The following CDC42BPA variants were observed in gnomAD, a reference collection of about 807,000 sequenced individuals.
CDC42BPA encodes CDC42 binding protein kinase alpha.
In CDC42BPA, 80 loss-of-function variants were observed where a neutral mutation model predicts 223.5. The observed-to-expected ratio is 0.36, with a 90% CI of 0.30 to 0.43. CDC42BPA has a LOEUF of 0.43. Among genes scored for constraint, CDC42BPA ranks in the 20% least tolerant of loss-of-function variants. The pLI is 1.00. For missense variants in CDC42BPA, 1,743 were observed against 2,099.9 expected (o/e 0.83, Z 3.32); for synonymous variants, 694 against 718.6 (o/e 0.97, Z 0.55).
Position 227,019,397 on chromosome 1 carries a change from C to A in CDC42BPA, c.4616-2347G>T, listed in dbSNP as rs1666943189. Among the ~76,000 whole-genome samples the A allele has an allele frequency of 2.6e-5, 4 of 152,168 alleles. No homozygotes were observed. The South Asian group carries it at 8.3e-4, about 31-fold the overall frequency. On this transcript the variant is annotated intron_variant, in intron 32 of 36. Coordinates refer to ENST00000366766, the MANE Select transcript of CDC42BPA (RefSeq NM_001394014.1). The stretch of plus-strand genomic sequence containing the variant: ...TTATTTCCTTCACTGATTTCTGGAA[C>A]CTCTAAAAGTCATCTATGAGGGCTG...
chr1:227,186,303 A>C (rs983703650), intron 5 of CDC42BPA, among the ~76,000 whole-genome samples: 1 of 152,206 alleles, frequency 6.6e-6, no homozygotes. Context: ...AGAAAAGAGA[A>C]TATCTGCTGC....
At chr1:227,176,951 C>T (rs907756555) in intron 5 of CDC42BPA, among the ~76,000 whole-genome samples, 5 of 151,594 alleles carry the variant, frequency 3.3e-5, no homozygotes, top group Non-Finnish European at 7.4e-5. Context: ...CCCTCTAATC[C>T]ACTGGCTCTT....
In CDC42BPA at chr1:227,051,864, A is replaced by G. The variant is rs1335888281; in HGVS notation, c.3009+17T>C. On this transcript the variant is annotated intron_variant, in intron 22 of 36. Transcript: ENST00000366766. ...ACAAGTGAAAAGTTGGGGAGCAGGGATGCTCCAATAAGGCACCTTAACTGG... is the reference window on the plus strand; with the variant it reads ...ACAAGTGAAAAGTTGGGGAGCAGGGGTGCTCCAATAAGGCACCTTAACTGG... 10 of 1,311,958 alleles carry G rather than the reference A, an allele frequency of 7.6e-6. No individual in the cohort carries two copies. Among genetic ancestry groups the G allele is most frequent in the Non-Finnish European group, 1.0e-5 (10 of 972,232 alleles). 81.3% of individuals were successfully genotyped at this position (1,311,958 alleles called of 1,614,324 possible).
At chr1:227,052,755 TA>T (rs1392185848) in intron 21 of CDC42BPA, among the ~76,000 whole-genome samples, 1 of 152,146 alleles carries the variant, frequency 6.6e-6, no homozygotes, top group Non-Finnish European at 1.5e-5. Flanking sequence ...TCACAAATCA[TA>T]AAAACACCAT....
rs1452583228 is a variant in CDC42BPA at position 227,215,407 on chromosome 1, G to C, written c.271-2188C>G. ...CTTCAGTGTCCTTGTCATGATCATG[G>C]GGTTAATAACAATACTTATATCATT... On this transcript the variant is annotated intron_variant, in intron 2 of 36. Coordinates refer to ENST00000366766, the MANE Select transcript of CDC42BPA (RefSeq NM_001394014.1). Among the ~76,000 whole-genome samples, 3 of 152,082 alleles carry C rather than the reference G, an allele frequency of 2.0e-5. No homozygotes were observed. The East Asian group carries it at 5.8e-4, about 29-fold the overall frequency.
intron 5 of CDC42BPA, among the ~76,000 whole-genome samples, chr1:227,161,028 T>C (rs1572054695): frequency 6.6e-6 from 1 of 152,328 alleles, no homozygotes; most frequent in East Asian, 1.9e-4. Context: ...AAAAATATAC[T>C]TTCTAGACCT....
At position 227,055,752 on chromosome 1, in the gene CDC42BPA, T is replaced by C. The variant is rs1048788881; in HGVS notation, c.2905-3767A>G. ...TAGCAGAGATATTATAAATTCAATA[T>C]AAGAAATATCTTTAAGTAAATGCAA... On this transcript the variant is annotated intron_variant, in intron 21 of 36. Transcript: ENST00000366766. 5.3e-5 allele frequency among the ~76,000 whole-genome samples: 8 copies of C among 152,296 alleles called. No individual in the cohort carries two copies. In the East Asian group the frequency reaches 1.5e-3, roughly 29 times the overall value.
At chr1:227,258,045 T>C (rs1253068577) in intron 1 of CDC42BPA, among the ~76,000 whole-genome samples, 1 of 149,866 alleles carries the variant, frequency 6.7e-6, no homozygotes, top group Non-Finnish European at 1.5e-5. Flanking sequence ...CACGGTGGCT[T>C]GTGCCTGCAG....
intron 31 of CDC42BPA, among the ~76,000 whole-genome samples, chr1:227,024,968 T>C (rs4653476): frequency 0.91 from 138,262 of 152,314 alleles, 62,806 homozygotes; most frequent in East Asian, 0.95. Flanking sequence ...TAGGGCTGAG[T>C]GCAGTGGATC....
At position 227,229,042 on chromosome 1, in the gene CDC42BPA, G is replaced by GT. The variant is rs148242531; in HGVS notation, c.271-15824dup. Among the ~76,000 whole-genome samples, 1,379 of 151,988 alleles carry GT rather than the reference G, an allele frequency of 9.1e-3. 24 individuals carry two copies. Among genetic ancestry groups the GT allele is most frequent in the African/African-American group, 0.032 (1,316 of 41,466 alleles). On this transcript the variant is annotated intron_variant, in intron 2 of 36. Transcript: ENST00000366766. Reference sequence around the variant, plus strand: ...AAACTCTGATGAAATCTTATTTTTTGTTTTTTCTTTGATGCCTGAGATTTC... The same window carrying GT: ...AAACTCTGATGAAATCTTATTTTTTGTTTTTTTCTTTGATGCCTGAGATTTC...
chr1:227,235,526 C>A (rs1433606035), intron 2 of CDC42BPA, among the ~76,000 whole-genome samples: 2 of 152,230 alleles, frequency 1.3e-5, no homozygotes, highest in East Asian at 3.9e-4. Flanking sequence ...GGCTAATGTG[C>A]TTCAGGGCCT....
At chr1:227,073,339 G>C (rs776294046) in intron 19 of CDC42BPA, among the ~76,000 whole-genome samples, 8 of 152,074 alleles carry the variant, frequency 5.3e-5, no homozygotes, top group Non-Finnish European at 1.2e-4. Flanking sequence ...GTGTTCATTA[G>C]CTAACTGCTT....
At chr1:227,285,317 C>T (rs1052141040) in intron 1 of CDC42BPA, among the ~76,000 whole-genome samples, 1 of 152,160 alleles carries the variant, frequency 6.6e-6, no homozygotes, top group Non-Finnish European at 1.5e-5. Context: ...GAGTAGCAAT[C>T]ATATATTTTT....
chr1:227,168,105 A>G (rs1018427469), intron 5 of CDC42BPA, among the ~76,000 whole-genome samples: 1 of 151,954 alleles, frequency 6.6e-6, no homozygotes, highest in African/African-American at 2.4e-5. Context: ...TTGTATTTTT[A>G]GTAGAGGCAG....
At chr1:227,076,213 TA>T (rs576792263) in intron 17 of CDC42BPA, among the ~76,000 whole-genome samples, 7 of 151,130 alleles carry the variant, frequency 4.6e-5, no homozygotes, top group Admixed American at 2.6e-4. Flanking sequence ...TCCACCTCAT[TA>T]AAAAAAAATC....
chr1:227,093,366 T>A (rs903154266), intron 15 of CDC42BPA, among the ~76,000 whole-genome samples: 1 of 152,114 alleles, frequency 6.6e-6, no homozygotes, highest in Non-Finnish European at 1.5e-5. Context: ...TCAGAATGAG[T>A]GCAGTCCCCA....
chr1:227,293,601 G>A (rs995488151), intron 1 of CDC42BPA, among the ~76,000 whole-genome samples: 4 of 149,992 alleles, frequency 2.7e-5, no homozygotes, highest in Admixed American at 6.8e-5. Flanking sequence ...CTAGGTGGAC[G>A]GATCACCTGA....
chr1:227,147,227 T>A, intron 7 of CDC42BPA, 132 bp downstream of exon 7: 1 of 580,502 alleles, frequency 1.7e-6, no homozygotes. Flanking sequence ...TGACTATTTA[T>A]GTTGTCCTGT....
chr1:227,048,099 CA>C (rs1672823622), intron 22 of CDC42BPA, 89 bp from the exon 23 acceptor site: 2 of 741,500 alleles, frequency 2.7e-6, no homozygotes, highest in Non-Finnish European at 4.3e-6. Flanking sequence ...ATAAATAAAA[CA>C]AAACATCAAT....
Sources: gnomAD v4.1 joint callset for allele counts (sites outside exome capture counted in the v4.1 genomes callset) on GRCh38, gnomAD v4.1.1 for gene constraint, MANE v1.5 for transcripts, NCBI Gene and HGNC (gene_info 2026-07-23, HGNC 2026-07-21) for gene names.